ZNF892: variants seen among roughly 807,000 people sequenced by gnomAD.
The protein encoded by ZNF892 is zinc finger protein 892.
chr2:95,220,576 G>A, the ZNF892 span, among the ~76,000 whole-genome samples: 5 of 152,132 alleles, frequency 3.3e-5, no homozygotes, highest in African/African-American at 9.7e-5. Flanking sequence ...TAGTGAGAGC[G>A]ATAGGAGAAA....
At chr2:95,222,309 G>T in the ZNF892 span, among the ~76,000 whole-genome samples, 1 of 152,160 alleles carries the variant, frequency 6.6e-6, no homozygotes, top group African/African-American at 2.4e-5. Context: ...GAAACATTAG[G>T]TTTTTGTATG....
At chr2:95,206,964 C>CCTGCAGG in the ZNF892 span, among the ~76,000 whole-genome samples, 1 of 152,054 alleles carries the variant, frequency 6.6e-6, no homozygotes, top group Non-Finnish European at 1.5e-5. Flanking sequence ...TTCAGCAAGA[C>CCTGCAGG]CTCCAGGCTC....
the ZNF892 span, among the ~76,000 whole-genome samples, chr2:95,237,191 A>G: frequency 6.8e-6 from 1 of 148,142 alleles, no homozygotes; most frequent in Non-Finnish European, 1.5e-5. Flanking sequence ...TCAGTCACCC[A>G]GGCTGGAGTG....
the ZNF892 span, among the ~76,000 whole-genome samples, chr2:95,260,717 C>G: frequency 6.6e-6 from 1 of 152,214 alleles, no homozygotes; most frequent in Admixed American, 6.5e-5. Flanking sequence ...TCCCTGGGCC[C>G]AGGCAAACTG....
At chr2:95,214,893 A>G in the ZNF892 span, 5 of 503,998 alleles carry the variant, frequency 9.9e-6, no homozygotes, top group Non-Finnish European at 1.8e-5. Context: ...GAAAGCCTTC[A>G]GTCACCGCTC....
chr2:95,226,006 A>G, the ZNF892 span, among the ~76,000 whole-genome samples: 1 of 152,202 alleles, frequency 6.6e-6, no homozygotes, highest in Non-Finnish European at 1.5e-5. Flanking sequence ...CAGCTCTCCC[A>G]GGCTGGTGTT....
At chr2:95,236,889 A>G in the ZNF892 span, among the ~76,000 whole-genome samples, 1 of 152,238 alleles carries the variant, frequency 6.6e-6, no homozygotes, top group African/African-American at 2.4e-5. Context: ...TATGGACACT[A>G]AGGGCATTGA....
chr2:95,231,297 A>G, the ZNF892 span, among the ~76,000 whole-genome samples: 1 of 152,234 alleles, frequency 6.6e-6, no homozygotes, highest in Non-Finnish European at 1.5e-5. Flanking sequence ...TCAGAACACT[A>G]CAGTACGTAT....
the ZNF892 span, chr2:95,215,403 A>C: frequency 2.3e-6 from 1 of 440,490 alleles, no homozygotes. Flanking sequence ...ATTCAGCCAG[A>C]GCTCATCTCT....
the ZNF892 span, among the ~76,000 whole-genome samples, chr2:95,230,521 G>C: frequency 3.9e-5 from 6 of 152,218 alleles, no homozygotes; most frequent in Non-Finnish European, 5.9e-5. Flanking sequence ...TTGCTTTGCG[G>C]AAGTTCTTTA....
chr2:95,250,650 CTATTCATAAATTATAAAT>C, the ZNF892 span, among the ~76,000 whole-genome samples: 1 of 123,480 alleles, frequency 8.1e-6, no homozygotes, highest in African/African-American at 2.9e-5. Flanking sequence ...TAAATATAAA[CTATTCATAAATTATAAAT>C]TTATAAATAT....
the ZNF892 span, among the ~76,000 whole-genome samples, chr2:95,233,405 G>A: frequency 6.6e-6 from 1 of 151,472 alleles, no homozygotes; most frequent in African/African-American, 2.4e-5. Flanking sequence ...CGGGCGCGGT[G>A]GCTCACGCCT....
chr2:95,258,232 G>C, the ZNF892 span, among the ~76,000 whole-genome samples: 6 of 152,188 alleles, frequency 3.9e-5, no homozygotes, highest in East Asian at 3.9e-4. Context: ...ATTTACTTCT[G>C]CAGAAGGGTG....
chr2:95,234,880 A>G, the ZNF892 span, among the ~76,000 whole-genome samples: 1 of 152,234 alleles, frequency 6.6e-6, no homozygotes, highest in African/African-American at 2.4e-5. Flanking sequence ...GGACTCAGGG[A>G]AACACATGAA....
chr2:95,243,641 C>T, the ZNF892 span, among the ~76,000 whole-genome samples: 1 of 151,002 alleles, frequency 6.6e-6, no homozygotes, highest in Non-Finnish European at 1.5e-5. Context: ...AAGTGAGGAG[C>T]CCCTCCGCCT....
the ZNF892 span, among the ~76,000 whole-genome samples, chr2:95,257,768 C>T: frequency 3.9e-5 from 6 of 152,274 alleles, no homozygotes; most frequent in African/African-American, 1.2e-4. Flanking sequence ...TCGGCAGTGG[C>T]GGGCGCCCCT....
chr2:95,250,510 GTTTATA>G, the ZNF892 span, among the ~76,000 whole-genome samples: 9 of 147,420 alleles, frequency 6.1e-5, no homozygotes, highest in African/African-American at 2.2e-4. Context: ...TTTATTATTT[GTTTATA>G]TTTATAAATT....
the ZNF892 span, among the ~76,000 whole-genome samples, chr2:95,238,936 C>T: frequency 6.6e-6 from 1 of 152,012 alleles, no homozygotes; most frequent in Non-Finnish European, 1.5e-5. Context: ...CTCAGGAGTT[C>T]GAGACCAGCC....
chr2:95,255,692 C>T, the ZNF892 span, among the ~76,000 whole-genome samples: 3 of 152,142 alleles, frequency 2.0e-5, no homozygotes, highest in African/African-American at 7.2e-5. Flanking sequence ...TAAAGTCTCC[C>T]ATTATTATTG....
Sources: allele counts gnomAD v4.1 joint callset (sites outside exome capture counted in the v4.1 genomes callset), GRCh38; gene constraint gnomAD v4.1.1; transcripts MANE v1.5; gene names NCBI Gene and HGNC (gene_info 2026-07-23, HGNC 2026-07-21).